Variants in CST5 observed in about 807,000 individuals in gnomAD.
The protein encoded by CST5 is cystatin-D.
Under a neutral mutation model 11.5 loss-of-function variants are expected in CST5, and 13 were observed. The observed-to-expected ratio is 1.13, with a 90% CI of 0.73 to 1.79. The LOEUF (loss-of-function observed/expected upper bound fraction) is 1.79. Among genes scored for constraint, CST5 ranks in the 40% most tolerant of loss-of-function variants. The probability of loss-of-function intolerance (pLI) is 0.00; values close to 1 mark genes in which losing one functional copy is unlikely to be tolerated. For synonymous variants in CST5, 81 were observed against 67.6 expected (o/e 1.20, Z -0.97); for missense variants, 219 against 174.5 (o/e 1.25, Z -1.44).
At chr20:23,879,020 G>A (rs1986023087) in intron 1 of CST5, among the ~76,000 whole-genome samples, 1 of 152,222 alleles carries the variant, frequency 6.6e-6, no homozygotes, top group Non-Finnish European at 1.5e-5. Context: ...GCTGTGCCCA[G>A]GGGCGTGACT....
At chr20:23,878,934 C>T (rs1254554012) in intron 1 of CST5, among the ~76,000 whole-genome samples, 2 of 152,204 alleles carry the variant, frequency 1.3e-5, no homozygotes, top group Non-Finnish European at 2.9e-5. Flanking sequence ...ATGCTCTACC[C>T]CAGCAGGAAC....
In CST5 at chr20:23,879,706, G is replaced by A. The variant is rs771213188; in HGVS notation, c.-30C>T. On this transcript the variant is annotated 5_prime_UTR_variant, in exon 1 of 3. Coordinates refer to ENST00000304710, the MANE Select transcript of CST5 (RefSeq NM_001900.5). ...TACTGGGACACAGAGCAAGGAGCTGGATCTCCCAGAGAGCAAAGCAGCAGA... is the reference window on the plus strand; with the variant it reads ...TACTGGGACACAGAGCAAGGAGCTGAATCTCCCAGAGAGCAAAGCAGCAGA... The A allele has an allele frequency of 6.3e-7, 1 of 1,596,650 alleles. No individual in the cohort carries two copies. Among genetic ancestry groups the A allele is most frequent in the East Asian group, 2.2e-5 (1 of 44,526 alleles).
chr20:23,879,424 C>T (rs1424287137), intron 1 of CST5, 22 bp downstream of exon 1: 1 of 1,602,996 alleles, frequency 6.2e-7, no homozygotes, highest in East Asian at 2.2e-5. Context: ...CTCAGGACCC[C>T]CAGGGTGGTG....
At position 23,879,593 on chromosome 20, in the gene CST5, C is replaced by T. The variant is rs1434925818; in HGVS notation, c.84G>A (p.Arg28=). Residue 28 remains arginine, a synonymous_variant, in exon 1 of 3, where the codon AGG becomes AGA. Coordinates refer to ENST00000304710, the MANE Select transcript of CST5 (RefSeq NM_001900.5). ...AVAGSASAQS[R]TLAGGIHATD... ...TGGCATGGATGCCACCTGCCAAGGT[C>T]CTAGATTGGGCCGAGGCACTCCCGG... 2 of 1,614,050 alleles carry T rather than the reference C, an allele frequency of 1.2e-6. 1 individual carries two copies. The highest frequency in any genetic ancestry group is 3.3e-5 in the Admixed American group (2 of 60,022).
Position 23,876,250 on chromosome 20 carries a change from T to C in CST5, c.367A>G (p.Ile123Val), listed in dbSNP as rs751616622. Reference sequence around the variant, plus strand: ...TTATCCTCCCAGGGAACTTCATTGATCTGGAAAGAGCAGAACTCTTCCTGT... The same window carrying C: ...TTATCCTCCCAGGGAACTTCATTGACCTGGAAAGAGCAGAACTCTTCCTGT... ...LKEEEFCSFQ[I>V]NEVPWEDKIS... Residue 123 changes from isoleucine to valine, a missense_variant, in exon 3 of 3, where the codon ATC becomes GTC. Physicochemically the swap from Ile to Val is conservative, Grantham distance 29 (BLOSUM62 3). Transcript: ENST00000304710. The C allele has an allele frequency of 4.3e-6, 7 of 1,613,458 alleles. No individual in the cohort carries two copies. Among genetic ancestry groups the C allele is most frequent in the Non-Finnish European group, 5.9e-6 (7 of 1,179,584 alleles).
At chr20:23,877,444 C>T (rs1360073242) in intron 2 of CST5, 61 bp downstream of exon 2, 2 of 1,277,464 alleles carry the variant, frequency 1.6e-6, no homozygotes, top group African/African-American at 1.5e-5. Flanking sequence ...CACATACACA[C>T]ACACACATGC....
In CST5 at chr20:23,878,256, C is replaced by T. The variant is rs73902198; in HGVS notation, c.232-638G>A. 4.0e-3 allele frequency among the ~76,000 whole-genome samples: 603 copies of T among 152,326 alleles called. 2 individuals are homozygous for T. The highest frequency in any genetic ancestry group is 0.014 in the African/African-American group (573 of 41,570). ...GTTTTAGGCCAATAAACATTGCCTC[C>T]TGCATGCCTCCATTCCAGGTGTGAT... On this transcript the variant is annotated intron_variant, in intron 1 of 2. Transcript: ENST00000304710.
intron 1 of CST5, among the ~76,000 whole-genome samples, chr20:23,878,084 C>T (rs531571544): frequency 6.6e-6 from 1 of 152,278 alleles, no homozygotes; most frequent in South Asian, 2.1e-4. Flanking sequence ...CTGGTCCCAT[C>T]CTAGGAAGGC....
Position 23,879,626 on chromosome 20 carries a change from C to T in CST5, c.51G>A (p.Val17=), listed in dbSNP as rs1222022165. 2 of 1,613,974 alleles carry T rather than the reference C, an allele frequency of 1.2e-6. No homozygotes were observed. Among genetic ancestry groups the T allele is most frequent in the Middle Eastern group, 1.6e-4 (1 of 6,084 alleles). The change falls in exon 1 of 3, where the codon GTG becomes GTA. Residue 17 remains valine, a synonymous_variant. Coordinates refer to ENST00000304710, the MANE Select transcript of CST5 (RefSeq NM_001900.5). The part of the protein sequence containing the change: ...TPLLLLTALM[V]AVAGSASAQS... Reference sequence around the variant, plus strand: ...GGGCCGAGGCACTCCCGGCCACGGCCACCATCAAGGCAGTCAGCAGCAGCA... The same window carrying T: ...GGGCCGAGGCACTCCCGGCCACGGCTACCATCAAGGCAGTCAGCAGCAGCA...
At chr20:23,876,904 C>G (rs1451877957) in intron 2 of CST5, among the ~76,000 whole-genome samples, 1 of 152,180 alleles carries the variant, frequency 6.6e-6, no homozygotes, top group Non-Finnish European at 1.5e-5. Flanking sequence ...CCCCTTCTTT[C>G]TGACCAGAAC....
intron 2 of CST5, among the ~76,000 whole-genome samples, chr20:23,876,676 G>A (rs931585919): frequency 2.6e-5 from 4 of 152,228 alleles, no homozygotes; most frequent in Non-Finnish European, 4.4e-5. Context: ...ACTGGAAATT[G>A]CAACTCAAAG....
chr20:23,876,258 G>A lies in CST5; in HGVS notation c.359C>T (p.Ser120Phe), dbSNP rs767188498. Residue 120 changes from serine (S) to phenylalanine (F), a missense_variant, in exon 3 of 3, where the codon TCT (serine) becomes TTT (phenylalanine). Ser to Phe is a radical substitution (Grantham distance 155). Coordinates refer to ENST00000304710, the MANE Select transcript of CST5 (RefSeq NM_001900.5). ...QPKLKEEEFC[S>F]FQINEVPWED... ...CCAGGGAACTTCATTGATCTGGAAA[G>A]AGCAGAACTCTTCCTGTGAAAAGAA... 6 of 1,612,872 alleles carry A rather than the reference G, an allele frequency of 3.7e-6. No homozygotes were observed. The highest frequency in any genetic ancestry group is 5.1e-6 in the Non-Finnish European group (6 of 1,179,022).
Position 23,876,134 on chromosome 20 carries a change from A to C in CST5, c.*54T>G. On this transcript the variant is annotated 3_prime_UTR_variant, in exon 3 of 3. Transcript: ENST00000304710. ...GGGCCACCAGTCCAGGGGTGGGAGCACTACAGGGGGTGGGAGTAGGAGGTG... is the reference window on the plus strand; with the variant it reads ...GGGCCACCAGTCCAGGGGTGGGAGCCCTACAGGGGGTGGGAGTAGGAGGTG... 6.9e-7 allele frequency: 1 copy of C among 1,439,772 alleles called. No homozygotes were observed. The allele number at this position is 1,439,772 out of a possible 1,614,324, so 89.2% of individuals were successfully genotyped here.
chr20:23,877,709 G>T, intron 1 of CST5, 91 bp from the exon 2 acceptor site: 2 of 1,071,868 alleles, frequency 1.9e-6, no homozygotes, highest in East Asian at 2.5e-5. Context: ...CACTGGGCTT[G>T]CCTGGGGCTT....
In CST5 at chr20:23,876,170, C is replaced by G; in HGVS notation, c.*18G>C. On this transcript the variant is annotated 3_prime_UTR_variant, in exon 3 of 3. Transcript: ENST00000304710. The stretch of plus-strand genomic sequence containing the variant: ...TGGGAGTAGGAGGTGGTCAGTGTGA[C>G]AGGCCTTGCACAGACCCCTAGACTT... The G allele has an allele frequency of 1.9e-6, 3 of 1,600,590 alleles. No individual in the cohort carries two copies. The highest frequency in any genetic ancestry group is 2.6e-6 in the Non-Finnish European group (3 of 1,168,064).
intron 2 of CST5, 129 bp from the exon 3 acceptor site, chr20:23,876,400 C>A: frequency 2.9e-6 from 2 of 679,660 alleles, no homozygotes; most frequent in Middle Eastern, 3.6e-4. Flanking sequence ...CCCCAACCTA[C>A]CCCTGCCGAG....
chr20:23,877,792 G>A (rs1985997395), intron 1 of CST5, among the ~76,000 whole-genome samples, 174 bp from the exon 2 acceptor site: 1 of 152,202 alleles, frequency 6.6e-6, no homozygotes, highest in Non-Finnish European at 1.5e-5. Context: ...GTGTGTCCCA[G>A]TCCTTCCTAG....
At chr20:23,879,423 C>A (rs1048717918) in intron 1 of CST5, 23 bp downstream of exon 1, 2 of 1,593,462 alleles carry the variant, frequency 1.3e-6, no homozygotes, top group Non-Finnish European at 1.7e-6. Context: ...ACTCAGGACC[C>A]CCAGGGTGGT....
rs771213188 is a variant in CST5, at chr20:23,879,706, G to T, written c.-30C>A. 5.3e-5 allele frequency: 84 copies of T among 1,596,650 alleles called. No homozygotes were observed. The highest frequency in any genetic ancestry group is 1.7e-4 in the Middle Eastern group (1 of 5,998). ...TACTGGGACACAGAGCAAGGAGCTG[G>T]ATCTCCCAGAGAGCAAAGCAGCAGA... On this transcript the variant is annotated 5_prime_UTR_variant, in exon 1 of 3. Transcript: ENST00000304710.
Sources: gnomAD v4.1 joint callset for allele counts (sites outside exome capture counted in the v4.1 genomes callset) on GRCh38, gnomAD v4.1.1 for gene constraint, MANE v1.5 for transcripts, NCBI Gene and HGNC (gene_info 2026-07-23, HGNC 2026-07-21) for gene names.